RAD51B: variants seen among roughly 807,000 people sequenced by gnomAD.
RAD51B encodes the protein DNA repair protein RAD51 homolog 2.
RAD51B carries 38 observed loss-of-function variants against 42.2 expected under a neutral mutation model. That is an observed-to-expected ratio of 0.90 (90% CI 0.70 to 1.18). The LOEUF is 1.18. Ranked by LOEUF, RAD51B falls within the 50% of genes most tolerant of loss-of-function variation. The pLI is 0.00. For synonymous variants in RAD51B, 154 were observed against 145.2 expected, an observed-to-expected ratio of 1.06 and a Z score of -0.43; for missense variants, 373 against 400.7, an observed-to-expected ratio of 0.93 and a Z score of 0.59.
At chr14:68,479,577 A>T (rs1883001034), downstream of RAD51B, among the ~76,000 whole-genome samples, 1 of 151,736 alleles carries the variant, frequency 6.6e-6, no homozygotes, top group African/African-American at 2.4e-5. Flanking sequence ...CTCCAATCAT[A>T]CTTCTGCCTG....
chr14:68,397,064 G>T (rs1186520706), intron 8 of RAD51B, among the ~76,000 whole-genome samples: 1 of 152,208 alleles, frequency 6.6e-6, no homozygotes, highest in African/African-American at 2.4e-5. Context: ...CCCTCACAGA[G>T]ATAATGTATG....
chr14:68,305,331 C>T (rs967726698), intron 8 of RAD51B, among the ~76,000 whole-genome samples: 13 of 152,212 alleles, frequency 8.5e-5, no homozygotes, highest in South Asian at 6.2e-4. Flanking sequence ...GCCATAAGAA[C>T]GGTATCAGGC....
At chr14:68,098,744 G>A (rs1180484337) in intron 7 of RAD51B, among the ~76,000 whole-genome samples, 3 of 152,104 alleles carry the variant, frequency 2.0e-5, no homozygotes, top group African/African-American at 7.2e-5. Flanking sequence ...ATTTGGGTGG[G>A]GATACAGAGC....
At chr14:68,177,864 T>C (rs1199136433) in intron 7 of RAD51B, among the ~76,000 whole-genome samples, 1 of 152,110 alleles carries the variant, frequency 6.6e-6, no homozygotes, top group Non-Finnish European at 1.5e-5. Context: ...AAGCATACTT[T>C]AAAGAAAGTT....
chr14:67,975,576 C>G (rs980827930), intron 7 of RAD51B, among the ~76,000 whole-genome samples: 1 of 152,168 alleles, frequency 6.6e-6, no homozygotes, highest in African/African-American at 2.4e-5. Context: ...TTCTTGAACC[C>G]GAGTAGTCTG....
At chr14:68,344,098 C>T (rs2082623333) in intron 8 of RAD51B, among the ~76,000 whole-genome samples, 1 of 152,238 alleles carries the variant, frequency 6.6e-6, no homozygotes, top group South Asian at 2.1e-4. Context: ...GTTGAAGCCC[C>T]CCACATAGAG....
chr14:68,662,685 A>G (rs953039216), intron 11 of RAD51B, among the ~76,000 whole-genome samples: 1 of 152,186 alleles, frequency 6.6e-6, no homozygotes, highest in African/African-American at 2.4e-5. Flanking sequence ...CCTCCCTCCA[A>G]AAAAGTACAG....
At chr14:68,603,596 C>T (rs17105966) in intron 10 of RAD51B, among the ~76,000 whole-genome samples, 1,610 of 152,156 alleles carry the variant, frequency 0.011, 33 homozygotes, top group African/African-American at 0.037. Flanking sequence ...AATAAGGCAA[C>T]CCGAGACTTC....
chr14:68,341,727 A>G (rs757588246), intron 8 of RAD51B, among the ~76,000 whole-genome samples: 3 of 152,026 alleles, frequency 2.0e-5, no homozygotes, highest in African/African-American at 7.2e-5. Flanking sequence ...TTTCTCTCCA[A>G]CTTTGTCAGT....
intron 10 of RAD51B, among the ~76,000 whole-genome samples, chr14:68,534,754 C>A (rs137886616): frequency 3.1e-4 from 47 of 152,182 alleles, no homozygotes; most frequent in Middle Eastern, 3.4e-3. Flanking sequence ...TCCCACCCCC[C>A]CTAGATTGTA....
intron 7 of RAD51B, among the ~76,000 whole-genome samples, chr14:68,203,221 T>G (rs1240702389): frequency 1.3e-5 from 2 of 152,214 alleles, no homozygotes; most frequent in African/African-American, 2.4e-5. Context: ...AATTTATTTC[T>G]TAAATATTAA....
chr14:67,997,705 C>G (rs937256911), intron 7 of RAD51B, among the ~76,000 whole-genome samples: 1 of 152,128 alleles, frequency 6.6e-6, no homozygotes, highest in Non-Finnish European at 1.5e-5. Flanking sequence ...CTGTCCTGCC[C>G]TCTCAGCCTA....
intron 11 of RAD51B, among the ~76,000 whole-genome samples, chr14:68,678,979 T>TCTCCCTC (rs1893369922): frequency 6.6e-6 from 1 of 151,778 alleles, no homozygotes; most frequent in Admixed American, 6.6e-5. Flanking sequence ...CCTTCTCCCT[T>TCTCCCTC]CTCCCTCCTC....
At chr14:68,001,209 G>T (rs1595235129) in intron 7 of RAD51B, among the ~76,000 whole-genome samples, 2 of 152,000 alleles carry the variant, frequency 1.3e-5, no homozygotes, top group Non-Finnish European at 2.9e-5. Context: ...AAAATGGCTT[G>T]CAAACTATCG....
rs569128930 is a variant in RAD51B, at chr14:68,214,341, T to C, written c.757-77543T>C. Reference sequence around the variant, plus strand: ...GAAACCTTAGGCAGGGGAATTGTGTTACCCCTGGTACTTACCAACTTTAAC... The same window carrying C: ...GAAACCTTAGGCAGGGGAATTGTGTCACCCCTGGTACTTACCAACTTTAAC... On this transcript the variant is annotated intron_variant, in intron 7 of 10. Coordinates refer to ENST00000471583, the MANE Select transcript of RAD51B (RefSeq NM_133510.4). 3.3e-5 allele frequency among the ~76,000 whole-genome samples: 5 copies of C among 152,320 alleles called. 1 individual carries two copies. The highest frequency in any genetic ancestry group is 1.2e-4 in the African/African-American group (5 of 41,580).
At chr14:68,501,731 T>G (rs1240984220) in intron 10 of RAD51B, among the ~76,000 whole-genome samples, 1 of 152,272 alleles carries the variant, frequency 6.6e-6, no homozygotes, top group East Asian at 1.9e-4. Flanking sequence ...GGTGCCCACT[T>G]CTCAAGATAG....
chr14:67,922,916 C>A (rs142450987), intron 7 of RAD51B, among the ~76,000 whole-genome samples: 166 of 152,282 alleles, frequency 1.1e-3, no homozygotes, highest in Non-Finnish European at 2.1e-3. Flanking sequence ...GTCTCAAGCT[C>A]CTGACCTCAG....
intron 10 of RAD51B, chr14:68,563,115 T>C: frequency 6.1e-6 from 6 of 985,448 alleles, no homozygotes; most frequent in Non-Finnish European, 7.2e-6. Context: ...TCTGCCGGGT[T>C]CAGAGAGGGC....
chr14:68,337,599 A>T (rs1348611263), intron 8 of RAD51B, among the ~76,000 whole-genome samples: 1 of 152,094 alleles, frequency 6.6e-6, no homozygotes, highest in Non-Finnish European at 1.5e-5. Context: ...CATAATTCTC[A>T]GGTGGAGGTT....
Sources: gnomAD v4.1 joint callset for allele counts (sites outside exome capture counted in the v4.1 genomes callset) on GRCh38, gnomAD v4.1.1 for gene constraint, MANE v1.5 for transcripts, NCBI Gene and HGNC (gene_info 2026-07-23, HGNC 2026-07-21) for gene names.